Variants in CA5A observed in about 807,000 individuals in gnomAD.
CA5A encodes the protein carbonic anhydrase 5A.
Under a neutral mutation model 37.1 loss-of-function variants are expected in CA5A, and 28 were observed. The observed-to-expected ratio is 0.75, with a 90% CI of 0.56 to 1.03. CA5A has a LOEUF of 1.03. Among genes scored for constraint, CA5A ranks in the 50% least tolerant of loss-of-function variants. CA5A has a pLI of 0.00. For missense variants in CA5A, 444 were observed against 399.9 expected (o/e 1.11, Z -0.94); for synonymous variants, 171 against 158.4 (o/e 1.08, Z -0.60).
chr16:87,932,532 G>A (rs544226948), intron 1 of CA5A, among the ~76,000 whole-genome samples: 1 of 152,212 alleles, frequency 6.6e-6, no homozygotes, highest in African/African-American at 2.4e-5. Context: ...CCACACAGCC[G>A]ACCCTGGTGC....
intron 6 of CA5A, among the ~76,000 whole-genome samples, chr16:87,890,734 G>C (rs184051554): frequency 3.3e-5 from 5 of 152,230 alleles, no homozygotes; most frequent in African/African-American, 1.2e-4. Flanking sequence ...TCCTACCTCA[G>C]CCTCCCAAGT....
chr16:87,934,550 C>G (rs1323812712), intron 1 of CA5A, among the ~76,000 whole-genome samples: 1 of 151,462 alleles, frequency 6.6e-6, no homozygotes, highest in African/African-American at 2.4e-5. Context: ...GCCTGGGCAA[C>G]AAGACAGAAA....
At chr16:87,898,078 G>A (rs747666577) in intron 5 of CA5A, among the ~76,000 whole-genome samples, 1 of 152,176 alleles carries the variant, frequency 6.6e-6, no homozygotes, top group Non-Finnish European at 1.5e-5. Context: ...CTGCATAGAA[G>A]CCAGCTGGGT....
At chr16:87,914,635 G>A (rs1226546110) in intron 2 of CA5A, among the ~76,000 whole-genome samples, 3 of 152,122 alleles carry the variant, frequency 2.0e-5, no homozygotes, top group Admixed American at 6.5e-5. Context: ...AGTTGCAGTG[G>A]GTGGGCATGG....
chr16:87,929,883 A>AAAAAAT (rs2056377395), intron 1 of CA5A, among the ~76,000 whole-genome samples: 1 of 151,460 alleles, frequency 6.6e-6, no homozygotes, highest in African/African-American at 2.4e-5. Context: ...AAAAAAAAAA[A>AAAAAAT]AAAAAAAAAA....
At chr16:87,900,543 C>T (rs1450099933) in intron 5 of CA5A, among the ~76,000 whole-genome samples, 1 of 152,262 alleles carries the variant, frequency 6.6e-6, no homozygotes, top group Non-Finnish European at 1.5e-5. Flanking sequence ...CTCCTTCTGC[C>T]CTGGAATTCT....
chr16:87,922,370 AC>A (rs1232626815), intron 2 of CA5A, among the ~76,000 whole-genome samples: 1 of 152,178 alleles, frequency 6.6e-6, no homozygotes, highest in African/African-American at 2.4e-5. Context: ...GCAGGCTTTG[AC>A]TTGTGATCCT....
In CA5A at chr16:87,916,997, C is replaced by G. The variant is rs565106818; in HGVS notation, c.340+9751G>C. Among the ~76,000 whole-genome samples, 5 of 150,458 alleles carry G rather than the reference C, an allele frequency of 3.3e-5. No homozygotes were observed. The East Asian group carries it at 7.9e-4, about 24-fold the overall frequency. On this transcript the variant is annotated intron_variant, in intron 2 of 6. Transcript: ENST00000649794. ...GTAGGCGCCTGTAGTCCCAGTTACT[C>G]GGGAGGCTGAGGCAGGAGAATGGTG...
At chr16:87,914,989 G>A (rs113589357) in intron 2 of CA5A, among the ~76,000 whole-genome samples, 18 of 152,350 alleles carry the variant, frequency 1.2e-4, no homozygotes, top group African/African-American at 3.8e-4. Context: ...TGACGGGTGA[G>A]GGGTGTGAGC....
intron 3 of CA5A, among the ~76,000 whole-genome samples, chr16:87,902,974 GC>G: frequency 6.6e-6 from 1 of 151,906 alleles, no homozygotes; most frequent in South Asian, 2.1e-4. Flanking sequence ...AGCACCAGCA[GC>G]ACCTCTGAGC....
intron 2 of CA5A, among the ~76,000 whole-genome samples, chr16:87,923,251 C>T (rs1241864272): frequency 6.6e-6 from 1 of 152,142 alleles, no homozygotes; most frequent in Non-Finnish European, 1.5e-5. Context: ...TGCAGTGGCT[C>T]GATCTCTGCT....
At position 87,926,686 on chromosome 16, in the gene CA5A, C is replaced by T. The variant is rs756451019; in HGVS notation, c.340+62G>A. 3 of 1,362,898 alleles carry T rather than the reference C, an allele frequency of 2.2e-6. No individual in the cohort carries two copies. In the East Asian group the frequency reaches 6.9e-5, roughly 31 times the overall value. The allele number at this position is 1,362,898 out of a possible 1,614,324, so 84.4% of individuals were successfully genotyped here. The stretch of plus-strand genomic sequence containing the variant: ...TCTCCTCCCCCTTCTCCGCGAAGCT[C>T]TTGACCCTGCTGCCAGAACAACGGG... On this transcript the variant is annotated intron_variant, in intron 2 of 6. Coordinates refer to ENST00000649794, the MANE Select transcript of CA5A (RefSeq NM_001739.2).
chr16:87,928,769 T>TG, intron 1 of CA5A, among the ~76,000 whole-genome samples: 1 of 129,170 alleles, frequency 7.7e-6, no homozygotes, highest in African/African-American at 3.2e-5. Flanking sequence ...TGTTTTTTTT[T>TG]TTTTTTTTTT....
chr16:87,924,920 C>G (rs769196044), intron 2 of CA5A, among the ~76,000 whole-genome samples: 55 of 152,190 alleles, frequency 3.6e-4, no homozygotes, highest in Non-Finnish European at 7.2e-4. Context: ...CTCCCTGCAG[C>G]CTTTGCAGTG....
intron 6 of CA5A, among the ~76,000 whole-genome samples, chr16:87,889,165 T>G (rs2055678462): frequency 6.6e-6 from 1 of 152,060 alleles, no homozygotes; most frequent in African/African-American, 2.4e-5. Context: ...GTTATCCACC[T>G]GCCTCGGCCT....
At chr16:87,933,013 G>T (rs987520284) in intron 1 of CA5A, among the ~76,000 whole-genome samples, 10 of 152,252 alleles carry the variant, frequency 6.6e-5, no homozygotes, top group African/African-American at 2.4e-4. Context: ...CAGGCCTCAG[G>T]TGGCTGCGAA....
chr16:87,904,741 C>G (rs1350843730), intron 3 of CA5A, 45 bp downstream of exon 3: 1 of 1,177,014 alleles, frequency 8.5e-7, no homozygotes, highest in Non-Finnish European at 1.3e-6. Context: ...GAGCCGGAGA[C>G]ATGGAAAGTG....
intron 5 of CA5A, among the ~76,000 whole-genome samples, chr16:87,900,227 G>A (rs140156401): frequency 0.04 from 6,054 of 152,304 alleles, 151 homozygotes; most frequent in Middle Eastern, 0.085. Context: ...GGCTGGCTGG[G>A]AAAACAACCC....
chr16:87,902,048 C>T (rs2055886492), intron 4 of CA5A, 74 bp from the exon 5 acceptor site: 2 of 1,345,208 alleles, frequency 1.5e-6, no homozygotes, highest in South Asian at 1.2e-5. Context: ...ACTGTAAATA[C>T]ACCACGTTTT....
Sources: allele counts gnomAD v4.1 joint callset (sites outside exome capture counted in the v4.1 genomes callset), GRCh38; gene constraint gnomAD v4.1.1; transcripts MANE v1.5; gene names NCBI Gene and HGNC (gene_info 2026-07-23, HGNC 2026-07-21).